NBEA: variants seen among roughly 807,000 people sequenced by gnomAD.
NBEA encodes lysosomal-trafficking regulator 2.
Under a neutral mutation model 343.4 loss-of-function variants are expected in NBEA, and 44 were observed. That is an observed-to-expected ratio of 0.13 (90% CI 0.10 to 0.16). The LOEUF is 0.16. Ranked by LOEUF, NBEA falls within the 10% of genes least tolerant of loss-of-function variation. The pLI is 1.00. For missense variants in NBEA, 2,555 were observed against 3,631.3 expected (o/e 0.70, Z 7.62); for synonymous variants, 1,175 against 1,238.7 (o/e 0.95, Z 1.08).
intron 23 of NBEA, among the ~76,000 whole-genome samples, chr13:35,162,650 T>C (rs1210947748): frequency 6.6e-6 from 1 of 151,964 alleles, no homozygotes; most frequent in Non-Finnish European, 1.5e-5. Flanking sequence ...TCAAGAAATT[T>C]CCCCCTTATA....
intron 34 of NBEA, among the ~76,000 whole-genome samples, chr13:35,246,584 C>G (rs779520655): frequency 1.3e-5 from 2 of 152,150 alleles, no homozygotes; most frequent in Non-Finnish European, 2.9e-5. Flanking sequence ...TCAGGGCTTC[C>G]AGGCTCCAGG....
intron 10 of NBEA, among the ~76,000 whole-genome samples, chr13:35,086,620 G>A (rs1271046175): frequency 6.6e-6 from 1 of 151,962 alleles, no homozygotes; most frequent in Non-Finnish European, 1.5e-5. Context: ...TGTTAAACAT[G>A]TGAGTGCGTG....
chr13:35,666,090 G>A lies in NBEA; in HGVS notation c.8464+904G>A, dbSNP rs147271753. ...CCCTGGGTGCTGCTGGAGTATCACC[G>A]TGGTGCCACAACCTGGAGGAATGAG... On this transcript the variant is annotated intron_variant, in intron 56 of 58. Transcript: ENST00000379939. 8.2e-3 allele frequency among the ~76,000 whole-genome samples: 1,246 copies of A among 152,252 alleles called. 17 individuals carry two copies. The highest frequency in any genetic ancestry group is 0.028 in the African/African-American group (1,143 of 41,560).
intron 1 of NBEA, among the ~76,000 whole-genome samples, chr13:34,969,644 A>G (rs1307160198): frequency 2.0e-5 from 3 of 151,994 alleles, no homozygotes; most frequent in Non-Finnish European, 4.4e-5. Flanking sequence ...GTGAGAACAT[A>G]CAGTATTTTG....
chr13:35,075,952 T>A (rs2152587823), intron 10 of NBEA, among the ~76,000 whole-genome samples: 1 of 152,092 alleles, frequency 6.6e-6, no homozygotes, highest in East Asian at 1.9e-4. Flanking sequence ...ATCTATTATA[T>A]ACAGCGTTAA....
At chr13:35,659,546 C>T (rs1037525605) in intron 55 of NBEA, among the ~76,000 whole-genome samples, 5 of 152,064 alleles carry the variant, frequency 3.3e-5, no homozygotes, top group Non-Finnish European at 7.4e-5. Context: ...GTGAAGAATG[C>T]AGACATCTCA....
intron 41 of NBEA, among the ~76,000 whole-genome samples, chr13:35,524,759 A>G (rs1291886429): frequency 1.3e-5 from 2 of 152,254 alleles, no homozygotes. Flanking sequence ...TGTATCATAG[A>G]AAAGTAATAA....
intron 1 of NBEA, among the ~76,000 whole-genome samples, chr13:35,029,115 CAG>C (rs1296043919): frequency 2.0e-5 from 3 of 150,856 alleles, no homozygotes; most frequent in Non-Finnish European, 4.4e-5. Flanking sequence ...ACAATTTTCT[CAG>C]AAACTTTTCT....
In NBEA at chr13:35,551,164, T is replaced by C. The variant is rs1373691944; in HGVS notation, c.6806+132T>C. 3 of 517,306 alleles carry C rather than the reference T, an allele frequency of 5.8e-6. No homozygotes were observed. In the African/African-American group the frequency reaches 5.9e-5, roughly 10 times the overall value. 32.0% of individuals were successfully genotyped at this position (517,306 alleles called of 1,614,324 possible). ...AAGAATTTTCTTTCTCTGAAGGTTATTTGTAGGGATAGAGATTATGAAAAT... is the reference window on the plus strand; with the variant it reads ...AAGAATTTTCTTTCTCTGAAGGTTACTTGTAGGGATAGAGATTATGAAAAT... On this transcript the variant is annotated intron_variant, in intron 43 of 58. Coordinates refer to ENST00000379939, the MANE Select transcript of NBEA (RefSeq NM_001385012.1).
chr13:35,183,968 C>T lies in NBEA; in HGVS notation c.4832-8C>T, dbSNP rs2071501956. 3.1e-6 allele frequency: 5 copies of T among 1,600,900 alleles called. No homozygotes were observed. Among genetic ancestry groups the T allele is most frequent in the Non-Finnish European group, 3.4e-6 (4 of 1,171,502 alleles). On this transcript the variant is annotated splice_region_variant and splice_polypyrimidine_tract_variant and intron_variant, in intron 29 of 58. Coordinates refer to ENST00000379939, the MANE Select transcript of NBEA (RefSeq NM_001385012.1). ...GGCTCAAATTTGATTCCATGATTTT[C>T]TCCACAGTTGTGGTCATACCATCTA...
chr13:35,527,496 C>A (rs1306575687), intron 41 of NBEA, among the ~76,000 whole-genome samples: 1 of 152,210 alleles, frequency 6.6e-6, no homozygotes, highest in Non-Finnish European at 1.5e-5. Context: ...GGGTTGCCTT[C>A]AGCTACCCCC....
At chr13:35,338,618 A>T (rs2039405007) in intron 36 of NBEA, among the ~76,000 whole-genome samples, 1 of 152,078 alleles carries the variant, frequency 6.6e-6, no homozygotes, top group Admixed American at 6.6e-5. Flanking sequence ...TTATGAGGCG[A>T]GTATTACCCT....
At chr13:35,224,620 T>TA (rs1415457899) in intron 33 of NBEA, among the ~76,000 whole-genome samples, 1 of 152,146 alleles carries the variant, frequency 6.6e-6, no homozygotes, top group African/African-American at 2.4e-5. Flanking sequence ...TACAGTTTCT[T>TA]ACTTTTGCTG....
chr13:35,243,310 A>G (rs1164823983), intron 34 of NBEA, among the ~76,000 whole-genome samples: 2 of 152,062 alleles, frequency 1.3e-5, no homozygotes, highest in East Asian at 1.9e-4. Flanking sequence ...GCAAATCACA[A>G]CAAAATTCAA....
At chr13:35,146,413 G>T (rs549049315) in intron 18 of NBEA, among the ~76,000 whole-genome samples, 1 of 152,198 alleles carries the variant, frequency 6.6e-6, no homozygotes, top group South Asian at 2.1e-4. Context: ...CTGCCATGTC[G>T]AGTTACCCAA....
At chr13:35,476,769 C>G in intron 41 of NBEA, 1 of 1,040,488 alleles carries the variant, frequency 9.6e-7, no homozygotes, top group Non-Finnish European at 1.2e-6. Context: ...GGGCTCGTCA[C>G]GACAGCCTCC....
intron 40 of NBEA, among the ~76,000 whole-genome samples, chr13:35,462,101 T>C (rs895713045): frequency 6.6e-6 from 1 of 152,210 alleles, no homozygotes; most frequent in Non-Finnish European, 1.5e-5. Context: ...TCTCTGATGC[T>C]AGATCGAAAC....
intron 39 of NBEA, among the ~76,000 whole-genome samples, chr13:35,433,308 A>T (rs1054964831): frequency 6.6e-6 from 1 of 152,124 alleles, no homozygotes; most frequent in Admixed American, 6.5e-5. Context: ...AGGAAATACC[A>T]GTAATGAACA....
intron 38 of NBEA, among the ~76,000 whole-genome samples, chr13:35,400,724 C>G (rs921620571): frequency 5.9e-5 from 9 of 151,922 alleles, no homozygotes; most frequent in Non-Finnish European, 1.0e-4. Context: ...GGAAAGTTCT[C>G]TGGAAATGTT....
Sources: gnomAD v4.1 joint callset for allele counts (sites outside exome capture counted in the v4.1 genomes callset) on GRCh38, gnomAD v4.1.1 for gene constraint, MANE v1.5 for transcripts, NCBI Gene and HGNC (gene_info 2026-07-23, HGNC 2026-07-21) for gene names.